The following KLF12 variants were observed in gnomAD, a reference collection of about 807,000 sequenced individuals.
KLF12 encodes the protein KLF transcription factor 12.
In KLF12, 9 loss-of-function variants were observed where a neutral mutation model predicts 37.8. The observed-to-expected ratio is 0.24, with a 90% CI of 0.14 to 0.42. The LOEUF (loss-of-function observed/expected upper bound fraction) is 0.42. Among genes scored for constraint, KLF12 ranks in the 10% least tolerant of loss-of-function variants. The probability of loss-of-function intolerance (pLI) is 1.00; values close to 1 mark genes in which losing one functional copy is unlikely to be tolerated. For synonymous variants in KLF12, 208 were observed against 202.1 expected, an observed-to-expected ratio of 1.03 and a Z score of -0.25; for missense variants, 411 against 516.0, an observed-to-expected ratio of 0.80 and a Z score of 1.97.
the KLF12 span, among the ~76,000 whole-genome samples, chr13:74,225,998 G>T: frequency 6.6e-6 from 1 of 152,092 alleles, no homozygotes; most frequent in Admixed American, 6.6e-5. Context: ...TGTACTGTGG[G>T]CACATTTAAA....
At chr13:74,229,939 G>A in the KLF12 span, among the ~76,000 whole-genome samples, 85 of 152,316 alleles carry the variant, frequency 5.6e-4, no homozygotes, top group Non-Finnish European at 1.1e-3. Flanking sequence ...AAGAGGGAGA[G>A]ATTCAAATCC....
At chr13:74,295,891 G>C in the KLF12 span, among the ~76,000 whole-genome samples, 1 of 152,076 alleles carries the variant, frequency 6.6e-6, no homozygotes, top group Non-Finnish European at 1.5e-5. Context: ...TCAGTTCACT[G>C]CAACCTCCAC....
At chr13:74,260,427 A>G in the KLF12 span, among the ~76,000 whole-genome samples, 185 of 151,896 alleles carry the variant, frequency 1.2e-3, 1 homozygote, top group African/African-American at 4.2e-3. Flanking sequence ...GTGGTGGTGC[A>G]CCTGTAGTCC....
chr13:73,704,157 T>C (rs1874752865), intron 7 of KLF12, among the ~76,000 whole-genome samples: 1 of 152,178 alleles, frequency 6.6e-6, no homozygotes, highest in Non-Finnish European at 1.5e-5. Flanking sequence ...ACTTAACTTC[T>C]CGCGTGGCAG....
intron 5 of KLF12, among the ~76,000 whole-genome samples, chr13:73,811,139 C>A (rs899659642): frequency 1.3e-5 from 2 of 151,570 alleles, no homozygotes; most frequent in African/African-American, 2.4e-5. Context: ...GCACCCACCA[C>A]CACGCCCAGC....
chr13:73,760,777 AACGAC>A (rs1879500930), intron 6 of KLF12, among the ~76,000 whole-genome samples: 1 of 152,206 alleles, frequency 6.6e-6, no homozygotes, highest in African/African-American at 2.4e-5. Flanking sequence ...ATTATCAAGC[AACGAC>A]ACATGCCCAA....
chr13:73,924,635 A>G (rs1297196254), intron 3 of KLF12, among the ~76,000 whole-genome samples: 2 of 152,130 alleles, frequency 1.3e-5, no homozygotes, highest in African/African-American at 2.4e-5. Context: ...CAACCCTACA[A>G]TGGCTATAAG....
At chr13:74,156,008 C>T in the KLF12 span, among the ~76,000 whole-genome samples, 1 of 152,248 alleles carries the variant, frequency 6.6e-6, no homozygotes, top group East Asian at 1.9e-4. Flanking sequence ...TAGTCTTGGT[C>T]CACTGTTGGT....
intron 1 of KLF12, among the ~76,000 whole-genome samples, chr13:74,033,098 T>C (rs999476045): frequency 3.9e-5 from 6 of 152,182 alleles, no homozygotes; most frequent in South Asian, 4.1e-4. Flanking sequence ...ATGTACTGTA[T>C]ACAAATTAAA....
the KLF12 span, among the ~76,000 whole-genome samples, chr13:74,280,571 G>A: frequency 5.9e-5 from 9 of 152,136 alleles, no homozygotes; most frequent in Admixed American, 5.9e-4. Flanking sequence ...GAGACCCAAT[G>A]GGGAAACCCA....
Position 73,693,570 on chromosome 13 carries a change from T to C in KLF12, c.*1920A>G, listed in dbSNP as rs1191048364. ...CAAATTGTCCTTGTTTCAACGTTCA[T>C]AGTTCTCGCTTCATCAGAATAAGAT... On this transcript the variant is annotated 3_prime_UTR_variant, in exon 8 of 8. Transcript: ENST00000377669. The C allele has an allele frequency of 6.6e-6, 1 of 152,492 alleles. No homozygotes were observed. Among genetic ancestry groups the C allele is most frequent in the Non-Finnish European group, 1.5e-5 (1 of 68,036 alleles). 9.4% of individuals were successfully genotyped at this position (152,492 alleles called of 1,614,324 possible).
At chr13:74,197,609 A>C in the KLF12 span, among the ~76,000 whole-genome samples, 1 of 152,020 alleles carries the variant, frequency 6.6e-6, no homozygotes, top group Non-Finnish European at 1.5e-5. Context: ...AAATATGGGA[A>C]CTCTTCCTGT....
intron 2 of KLF12, among the ~76,000 whole-genome samples, chr13:73,959,356 G>A (rs1890950412): frequency 1.3e-5 from 2 of 151,918 alleles, no homozygotes; most frequent in Non-Finnish European, 2.9e-5. Flanking sequence ...CACCACCAAA[G>A]ACATTTTGGG....
the KLF12 span, among the ~76,000 whole-genome samples, chr13:74,181,733 A>G: frequency 6.6e-6 from 1 of 151,216 alleles, no homozygotes; most frequent in Non-Finnish European, 1.5e-5. Context: ...AAAAAGGAAA[A>G]TGAGACATAA....
chr13:74,030,403 CTG>C (rs527529221), intron 1 of KLF12, among the ~76,000 whole-genome samples: 89 of 152,242 alleles, frequency 5.8e-4, no homozygotes, highest in African/African-American at 2.0e-3. Context: ...GATTCAGACT[CTG>C]TGTCTATTAC....
At chr13:74,049,235 G>A (rs59390624) in intron 1 of KLF12, among the ~76,000 whole-genome samples, 1 of 152,156 alleles carries the variant, frequency 6.6e-6, no homozygotes, top group Admixed American at 6.5e-5. Context: ...ACAGAGTGAG[G>A]GAACAAAGAG....
chr13:73,822,538 T>C (rs1454223488), intron 4 of KLF12, among the ~76,000 whole-genome samples: 4 of 152,178 alleles, frequency 2.6e-5, no homozygotes, highest in African/African-American at 9.7e-5. Context: ...AAGACCAGAC[T>C]GGATTACTAA....
intron 3 of KLF12, among the ~76,000 whole-genome samples, chr13:73,858,328 G>C (rs1027085980): frequency 6.6e-6 from 1 of 152,230 alleles, no homozygotes; most frequent in East Asian, 1.9e-4. Flanking sequence ...TAGACTGGTG[G>C]CATGATTTTT....
At chr13:73,884,645 T>C (rs1367335783) in intron 3 of KLF12, among the ~76,000 whole-genome samples, 3 of 152,264 alleles carry the variant, frequency 2.0e-5, no homozygotes, top group African/African-American at 7.2e-5. Flanking sequence ...GCCCTCTTTC[T>C]GTGCTGTCCC....
Sources: allele counts gnomAD v4.1 joint callset (sites outside exome capture counted in the v4.1 genomes callset), GRCh38; gene constraint gnomAD v4.1.1; transcripts MANE v1.5; gene names NCBI Gene and HGNC (gene_info 2026-07-23, HGNC 2026-07-21).